Variants in GLIPR2 observed in about 807,000 individuals in gnomAD.
The protein encoded by GLIPR2 is GLI pathogenesis related 2, also known as Golgi-associated plant pathogenesis-related protein 1.
GLIPR2 carries 21 observed loss-of-function variants against 20.4 expected under a neutral mutation model. That is an observed-to-expected ratio of 1.03 (90% CI 0.73 to 1.48). The LOEUF (loss-of-function observed/expected upper bound fraction) is 1.48, where lower values mean the gene tolerates loss of function less well. GLIPR2 is among the 40% of genes most tolerant of loss of function. GLIPR2 has a pLI of 0.00. For missense variants in GLIPR2, 205 were observed against 200.1 expected, an observed-to-expected ratio of 1.02 and a Z score of -0.15; for synonymous variants, 91 against 80.5, an observed-to-expected ratio of 1.13 and a Z score of -0.70.
intron 4 of GLIPR2, among the ~76,000 whole-genome samples, chr9:36,155,892 G>T (rs537562576): frequency 3.9e-5 from 6 of 152,150 alleles, no homozygotes; most frequent in Non-Finnish European, 5.9e-5. Context: ...GGACAACATG[G>T]CAAGACCCCA....
In GLIPR2 at chr9:36,149,889, G is replaced by C. The variant is rs547099737; in HGVS notation, c.227-983G>C. On this transcript the variant is annotated intron_variant, in intron 3 of 4. Transcript: ENST00000377960. Reference sequence around the variant, plus strand: ...CTAAAAATAGAAAAATTAGCCAGGCGTGGTGGCACATGCCTGTGATCCCAG... The same window carrying C: ...CTAAAAATAGAAAAATTAGCCAGGCCTGGTGGCACATGCCTGTGATCCCAG... 2.0e-5 allele frequency among the ~76,000 whole-genome samples: 3 copies of C among 152,160 alleles called. No homozygotes were observed. The South Asian group carries it at 6.2e-4, about 31-fold the overall frequency.
At chr9:36,158,819 C>T (rs1219578522) in intron 4 of GLIPR2, among the ~76,000 whole-genome samples, 8 of 152,226 alleles carry the variant, frequency 5.3e-5, no homozygotes, top group Non-Finnish European at 8.8e-5. Flanking sequence ...AATCCCAACA[C>T]TTTGGGAGGC....
chr9:36,159,055 ACT>A, intron 4 of GLIPR2, among the ~76,000 whole-genome samples: 1 of 151,926 alleles, frequency 6.6e-6, no homozygotes. Flanking sequence ...ACAGAGAGAG[ACT>A]CTGTCTCAAA....
At chr9:36,147,177 C>G (rs768932037) in intron 1 of GLIPR2, among the ~76,000 whole-genome samples, 26 of 152,182 alleles carry the variant, frequency 1.7e-4, no homozygotes, top group Non-Finnish European at 2.8e-4. Context: ...AACTCGCCCT[C>G]ACACTCTGCT....
upstream of GLIPR2, chr9:36,136,710 G>T (rs1312982098): frequency 4.5e-6 from 5 of 1,110,862 alleles, no homozygotes; most frequent in Non-Finnish European, 5.7e-6. This position sits in a 1 kb window ranked among gnomAD's most constrained non-coding sequence, Gnocchi z 4.3. Flanking sequence ...CTGGGCTCTG[G>T]GGCGGCGCTG....
chr9:36,153,163 C>T (rs1052878564), intron 4 of GLIPR2, among the ~76,000 whole-genome samples: 4 of 151,630 alleles, frequency 2.6e-5, no homozygotes, highest in African/African-American at 9.7e-5. Context: ...CTTTATTCTA[C>T]CCATTTTGAA....
chr9:36,145,171 T>C (rs1825268756), intron 1 of GLIPR2: 1 of 152,278 alleles, frequency 6.6e-6, no homozygotes. Context: ...GGGCCCTCTG[T>C]GGCCCTCACT....
At position 36,136,967 on chromosome 9, in the gene GLIPR2, C is replaced by A; in HGVS notation, c.13+176C>A. 2 of 719,680 alleles carry A rather than the reference C, an allele frequency of 2.8e-6. No individual in the cohort carries two copies. Among genetic ancestry groups the A allele is most frequent in the Non-Finnish European group, 3.8e-6 (2 of 521,808 alleles). 44.6% of individuals were successfully genotyped at this position (719,680 alleles called of 1,614,324 possible). On this transcript the variant is annotated intron_variant, in intron 1 of 4. Coordinates refer to ENST00000377960, the MANE Select transcript of GLIPR2 (RefSeq NM_022343.4). The surrounding 1 kb of genome is among the most constrained non-coding windows in gnomAD (Gnocchi z 4.3). ...GTTTCCGGGGAACCCGGGGGGAAGG[C>A]GAGCCCGAGGGAGGCCCCCGCCGGA...
Position 36,139,407 on chromosome 9 carries a change from G to A in GLIPR2, c.13+2616G>A, listed in dbSNP as rs373191279. On this transcript the variant is annotated intron_variant, in intron 1 of 4. Coordinates refer to ENST00000377960, the MANE Select transcript of GLIPR2 (RefSeq NM_022343.4). ...TTAATTTAACTCCCCCACCCCAACC[G>A]GAAAACCGAGAGCCCCCAGAATAGT... 4.6e-5 allele frequency among the ~76,000 whole-genome samples: 7 copies of A among 152,060 alleles called. No homozygotes were observed. In the South Asian group the frequency reaches 6.2e-4, roughly 14 times the overall value.
At chr9:36,147,753 A>G in intron 1 of GLIPR2, 33 bp from the exon 2 acceptor site, 1 of 942,554 alleles carries the variant, frequency 1.1e-6, no homozygotes, top group Non-Finnish European at 1.8e-6. Context: ...TTTTCTCTGC[A>G]CTGAGCCATT....
chr9:36,154,408 C>T (rs1825739610), intron 4 of GLIPR2, among the ~76,000 whole-genome samples: 1 of 152,146 alleles, frequency 6.6e-6, no homozygotes, highest in South Asian at 2.1e-4. Context: ...TTTCCCTTTT[C>T]CGCACGCTGG....
At chr9:36,160,542 G>A (rs529849538) in intron 4 of GLIPR2, among the ~76,000 whole-genome samples, 1 of 151,330 alleles carries the variant, frequency 6.6e-6, no homozygotes, top group South Asian at 2.1e-4. Flanking sequence ...AGGAGGGAGA[G>A]AAGAAAAAAG....
chr9:36,151,113 C>CT (rs1240315888), intron 4 of GLIPR2, 164 bp downstream of exon 4: 1 of 617,808 alleles, frequency 1.6e-6, no homozygotes, highest in Non-Finnish European at 2.9e-6. Context: ...CAAAGCTCTC[C>CT]TTTCCGCATT....
chr9:36,151,455 ACCC>A lies in GLIPR2; in HGVS notation c.304+507_304+509del, dbSNP rs146667360. Among the ~76,000 whole-genome samples the A allele has an allele frequency of 7.4e-3, 1,117 of 151,458 alleles. 15 individuals carry two copies. Among genetic ancestry groups the A allele is most frequent in the African/African-American group, 0.026 (1,072 of 41,266 alleles). On this transcript the variant is annotated intron_variant, in intron 4 of 4. Coordinates refer to ENST00000377960, the MANE Select transcript of GLIPR2 (RefSeq NM_022343.4). The stretch of plus-strand genomic sequence containing the variant: ...CCTTCCACACCCCACACCCTTCCCC[ACCC>A]TTGCGGCCTCCCTGGCTTTCTCCCT...
Position 36,162,354 on chromosome 9 carries a change from C to T in GLIPR2, c.305-8C>T, listed in dbSNP as rs1298947929. The T allele has an allele frequency of 6.2e-7, 1 of 1,606,628 alleles. No homozygotes were observed. The highest frequency in any genetic ancestry group is 1.1e-5 in the South Asian group (1 of 90,818). ...CGTGTCCCTCTCCCTCTGCCCGTTC[C>T]CCTACAGGACACTTCACGGCCATGG... On this transcript the variant is annotated splice_region_variant and splice_polypyrimidine_tract_variant and intron_variant, in intron 4 of 4. Transcript: ENST00000377960.
At chr9:36,140,103 G>GCT (rs1825007454) in intron 1 of GLIPR2, among the ~76,000 whole-genome samples, 1 of 152,120 alleles carries the variant, frequency 6.6e-6, no homozygotes, top group Non-Finnish European at 1.5e-5. Flanking sequence ...TTTGAACTCA[G>GCT]CTCTCTGACT....
rs531019858 is a variant in GLIPR2, at chr9:36,162,464, C to T, written c.407C>T (p.Ala136Val). ...TTTGTGGTGGCCAGATACTTCCCAG[C>T]GGGGAATGTTGTCAATGAGGGCTTC... The part of the protein sequence containing the change: ...SSFVVARYFP[A>V]GNVVNEGFFE... Residue 136 changes from alanine (A) to valine (V), a missense_variant, in exon 5 of 5, where the codon GCG (alanine) becomes GTG (valine). Transcript: ENST00000377960. The T allele has an allele frequency of 9.9e-6, 16 of 1,614,044 alleles. No individual in the cohort carries two copies. The highest frequency in any genetic ancestry group is 4.0e-5 in the African/African-American group (3 of 75,030).
intron 4 of GLIPR2, among the ~76,000 whole-genome samples, chr9:36,158,527 T>C (rs1825931933): frequency 6.6e-6 from 1 of 152,178 alleles, no homozygotes; most frequent in Non-Finnish European, 1.5e-5. Flanking sequence ...TTATTGAGCA[T>C]CTACTATGTG....
At chr9:36,141,922 G>A (rs1157887694) in intron 1 of GLIPR2, 2 of 455,232 alleles carry the variant, frequency 4.4e-6, no homozygotes, top group Non-Finnish European at 8.8e-6. Flanking sequence ...CCCCACCTAG[G>A]ACACCTATAC....
Sources: allele counts gnomAD v4.1 joint callset (sites outside exome capture counted in the v4.1 genomes callset), GRCh38; gene constraint gnomAD v4.1.1; non-coding constraint Gnocchi (gnomAD v3.1); transcripts MANE v1.5; gene names NCBI Gene and HGNC (gene_info 2026-07-23, HGNC 2026-07-21).